The following CD8B variants were observed in gnomAD, a reference collection of about 807,000 sequenced individuals.
CD8B encodes the protein CD8 subunit beta.
CD8B carries 6 observed loss-of-function variants against 24.2 expected under a neutral mutation model. The ratio of observed to expected loss-of-function variants is 0.25; its 90% CI spans 0.14 to 0.49. CD8B has a LOEUF of 0.49. Ranked by LOEUF, CD8B falls within the 20% of genes least tolerant of loss-of-function variation. The pLI is 0.98. For synonymous variants in CD8B, 84 were observed against 108.3 expected, an observed-to-expected ratio of 0.78 and a Z score of 1.39; for missense variants, 196 against 271.3, an observed-to-expected ratio of 0.72 and a Z score of 1.95.
intron 2 of CD8B, among the ~76,000 whole-genome samples, chr2:86,854,003 AG>A (rs1676107546): frequency 6.6e-6 from 1 of 152,090 alleles, no homozygotes; most frequent in South Asian, 2.1e-4. Flanking sequence ...GGCCTCCAAA[AG>A]TGCTAGTATT....
At chr2:86,846,860 A>G (rs1351980781) in intron 3 of CD8B, 87 bp from the exon 4 acceptor site, 9 of 775,012 alleles carry the variant, frequency 1.2e-5, no homozygotes, top group East Asian at 2.8e-5. Context: ...GAAAAATTCA[A>G]CTGGAAGCCC....
chr2:86,815,370 T>G, downstream of CD8B: 1 of 442,724 alleles, frequency 2.3e-6, no homozygotes, highest in Non-Finnish European at 4.1e-6. Context: ...TTCCCGGTCT[T>G]TAGGATTTTG....
chr2:86,831,422 C>T (rs1252046023), intron 5 of CD8B, among the ~76,000 whole-genome samples: 2 of 152,206 alleles, frequency 1.3e-5, no homozygotes, highest in African/African-American at 4.8e-5. Flanking sequence ...ATGTAATCCA[C>T]ATGTTCAAAT....
At chr2:86,828,652 C>CT (rs1481146344) in intron 5 of CD8B, among the ~76,000 whole-genome samples, 1 of 151,988 alleles carries the variant, frequency 6.6e-6, no homozygotes, top group African/African-American at 2.4e-5. Flanking sequence ...TAGGTACAGC[C>CT]TAAAATACAT....
At chr2:86,851,590 T>TCC (rs1448403366) in intron 3 of CD8B, among the ~76,000 whole-genome samples, 4 of 152,198 alleles carry the variant, frequency 2.6e-5, no homozygotes, top group African/African-American at 9.6e-5. Context: ...CCCACCCTGG[T>TCC]CTCCCAGATC....
chr2:86,858,936 A>G (rs1676430421), intron 1 of CD8B, among the ~76,000 whole-genome samples: 1 of 152,132 alleles, frequency 6.6e-6, no homozygotes, highest in South Asian at 2.1e-4. Context: ...AATCCTCATT[A>G]CACAGATGAG....
At chr2:86,823,335 A>C (rs1321429367) in intron 5 of CD8B, among the ~76,000 whole-genome samples, 1 of 152,168 alleles carries the variant, frequency 6.6e-6, no homozygotes, top group East Asian at 1.9e-4. Context: ...TGGTGTTTGC[A>C]GTGGCACGAT....
chr2:86,832,731 A>G (rs577089305), intron 5 of CD8B, among the ~76,000 whole-genome samples: 25 of 152,268 alleles, frequency 1.6e-4, no homozygotes, highest in Admixed American at 1.1e-3. Context: ...GAATTAGACA[A>G]TGCAAGGATA....
intron 3 of CD8B, among the ~76,000 whole-genome samples, chr2:86,848,386 T>C (rs1675793388): frequency 6.6e-6 from 1 of 152,248 alleles, no homozygotes; most frequent in South Asian, 2.1e-4. Flanking sequence ...GTATGATTTT[T>C]CTTCTACGAG....
rs189942999 is a variant in CD8B at position 86,860,887 on chromosome 2, C to T, written c.43+936G>A. On this transcript the variant is annotated intron_variant, in intron 1 of 5. Transcript: ENST00000390655. ...TTTGTCCCCTAGGAACTGAATACTCCGGGCTGTGGCCAAGGCCCTGCTGTG... is the reference window on the plus strand; with the variant it reads ...TTTGTCCCCTAGGAACTGAATACTCTGGGCTGTGGCCAAGGCCCTGCTGTG... Among the ~76,000 whole-genome samples the T allele has an allele frequency of 3.2e-3, 495 of 152,346 alleles. 3 individuals are homozygous for T. The highest frequency in any genetic ancestry group is 0.011 in the African/African-American group (471 of 41,586).
rs767983404 is a variant in CD8B at position 86,815,680 on chromosome 2, T to TG, written c.658dup (p.Gln220ProfsTer18). 1.2e-6 allele frequency: 2 copies of TG among 1,613,276 alleles called. No homozygotes were observed. Among genetic ancestry groups the TG allele is most frequent in the Non-Finnish European group, 1.7e-6 (2 of 1,179,226 alleles). ...ATTGCTGTAGTATCCATGCAGGCAT[T>TG]GGGGGACAAAGGTTCCTGATATACC... On this transcript the variant is annotated frameshift_variant, in exon 6 of 6. Coordinates refer to the CD8B transcript ENST00000331469. LOFTEE classifies it low-confidence loss of function (END_TRUNC).
chr2:86,815,496 G>T, downstream of CD8B: 5 of 744,762 alleles, frequency 6.7e-6, no homozygotes, highest in Non-Finnish European at 1.2e-5. Context: ...GACTTGGGGG[G>T]TTGATGGTGG....
chr2:86,834,476 ACAC>A (rs1675086865), downstream of CD8B, among the ~76,000 whole-genome samples: 1 of 152,046 alleles, frequency 6.6e-6, no homozygotes, highest in Non-Finnish European at 1.5e-5. Flanking sequence ...TTACACACAC[ACAC>A]ACACACACAA....
At chr2:86,842,888 C>T (rs140336223) in intron 5 of CD8B, among the ~76,000 whole-genome samples, 1,809 of 152,224 alleles carry the variant, frequency 0.012, 42 homozygotes, top group East Asian at 0.11. Flanking sequence ...GGTCCCCCCA[C>T]GACCACCCAG....
intron 5 of CD8B, among the ~76,000 whole-genome samples, chr2:86,832,059 G>A (rs775139236): frequency 5.9e-5 from 9 of 152,178 alleles, no homozygotes; most frequent in East Asian, 1.9e-4. Flanking sequence ...CTCATCTGAC[G>A]AGCTTGAGTG....
At chr2:86,832,040 T>C (rs1674922253) in intron 5 of CD8B, among the ~76,000 whole-genome samples, 1 of 152,218 alleles carries the variant, frequency 6.6e-6, no homozygotes. Context: ...AGGGTCTTAA[T>C]TGTGCTGTCT....
chr2:86,843,933 G>T (rs1335187662), intron 5 of CD8B, among the ~76,000 whole-genome samples: 1 of 152,190 alleles, frequency 6.6e-6, no homozygotes, highest in African/African-American at 2.4e-5. Context: ...AGGAGAACCT[G>T]TTGCCCTCTT....
intron 3 of CD8B, among the ~76,000 whole-genome samples, chr2:86,849,703 GTTTT>G (rs551385750): frequency 2.4e-5 from 3 of 127,432 alleles, no homozygotes; most frequent in African/African-American, 6.0e-5. Flanking sequence ...CAACTAAGGT[GTTTT>G]TTTTTTTTTT....
intron 3 of CD8B, among the ~76,000 whole-genome samples, chr2:86,849,841 T>C (rs1422592466): frequency 6.6e-6 from 1 of 151,788 alleles, no homozygotes; most frequent in Non-Finnish European, 1.5e-5. Flanking sequence ...GTCGTTGGGA[T>C]TACAGGTGCC....
Sources: gnomAD v4.1 joint callset for allele counts (sites outside exome capture counted in the v4.1 genomes callset) on GRCh38, gnomAD v4.1.1 for gene constraint, MANE v1.5 for transcripts, NCBI Gene and HGNC (gene_info 2026-07-23, HGNC 2026-07-21) for gene names.